The following RRP12 variants were observed in gnomAD, a reference collection of about 807,000 sequenced individuals.
RRP12 encodes the protein RRP12-like protein.
In RRP12, 78 loss-of-function variants were observed where a neutral mutation model predicts 157.3. The ratio of observed to expected loss-of-function variants is 0.50; its 90% CI spans 0.41 to 0.60. The LOEUF (loss-of-function observed/expected upper bound fraction) is 0.60. RRP12 is among the 20% of genes least tolerant of loss of function. The probability of loss-of-function intolerance (pLI) is 0.00; values close to 1 mark genes in which losing one functional copy is unlikely to be tolerated. For synonymous variants in RRP12, 726 were observed against 670.9 expected, an observed-to-expected ratio of 1.08 and a Z score of -1.27; for missense variants, 1,521 against 1,679.9, an observed-to-expected ratio of 0.91 and a Z score of 1.65.
At chr10:97,376,308 G>A (rs1323394596) in intron 15 of RRP12, among the ~76,000 whole-genome samples, 1 of 140,428 alleles carries the variant, frequency 7.1e-6, no homozygotes, top group African/African-American at 2.7e-5. Context: ...TCTGCTTCCT[G>A]GGTGCAAACG....
intron 13 of RRP12, 58 bp from the exon 14 acceptor site, chr10:97,379,828 C>G: frequency 6.5e-7 from 1 of 1,528,342 alleles, no homozygotes; most frequent in Non-Finnish European, 8.8e-7. Flanking sequence ...GGACCCATGA[C>G]AAGACCCCGC....
chr10:97,380,697 C>T (rs1296641550), intron 13 of RRP12, 102 bp downstream of exon 13: 2 of 812,654 alleles, frequency 2.5e-6, no homozygotes, highest in Admixed American at 2.0e-5. Context: ...GGGTGGGGTG[C>T]GGAGCAGGGT....
chr10:97,359,016 G>A lies in RRP12; in HGVS notation c.3641-6C>T, dbSNP rs1843779830. On this transcript the variant is annotated splice_polypyrimidine_tract_variant and splice_region_variant and intron_variant, in intron 31 of 33. Coordinates refer to ENST00000370992, the MANE Select transcript of RRP12 (RefSeq NM_015179.4). ...ATGAATGCCAGAGCCTCCAGCTACG[G>A]GGAGAACACAGGACCATGAGTCAGG... The A allele has an allele frequency of 6.2e-7, 1 of 1,613,040 alleles. No individual in the cohort carries two copies. The highest frequency in any genetic ancestry group is 1.1e-5 in the South Asian group (1 of 91,056).
In RRP12 at chr10:97,366,486, G is replaced by A. The variant is rs372943917; in HGVS notation, c.3351C>T (p.Pro1117=). 15 of 1,613,562 alleles carry A rather than the reference G, an allele frequency of 9.3e-6. No homozygotes were observed. The African/African-American group carries it at 1.9e-4, about 20-fold the overall frequency. ...AWLKEGGGDE[P]LNFLDPKVAQ... is the part of the protein sequence containing the mutation. ...CCACCTTGGGATCCAGGAAGTTGAGGGGCTCGTCCCCACCGCCCTCTTTCA... is the reference window on the plus strand; with the variant it reads ...CCACCTTGGGATCCAGGAAGTTGAGAGGCTCGTCCCCACCGCCCTCTTTCA... The change falls in exon 28 of 34, where the codon CCC becomes CCT. Residue 1117 remains proline, a synonymous_variant. Transcript: ENST00000370992.
chr10:97,364,336 G>A (rs962790467), intron 29 of RRP12, among the ~76,000 whole-genome samples: 2 of 152,148 alleles, frequency 1.3e-5, no homozygotes, highest in African/African-American at 4.8e-5. Context: ...TATGTGCTGG[G>A]CTCCATGTGG....
At chr10:97,371,910 T>A (rs752754155) in intron 20 of RRP12, 163 bp downstream of exon 20, 72 of 571,800 alleles carry the variant, frequency 1.3e-4, no homozygotes, top group Non-Finnish European at 1.3e-4. Flanking sequence ...GCAAGACAGA[T>A]GGGCTACACA....
At chr10:97,393,268 T>C (rs1362424954) in intron 4 of RRP12, 2 of 453,940 alleles carry the variant, frequency 4.4e-6, no homozygotes, top group Non-Finnish European at 8.8e-6. Flanking sequence ...GAAAGCACAC[T>C]TGATTCTGTC....
chr10:97,363,566 C>A (rs568453735), intron 30 of RRP12, among the ~76,000 whole-genome samples: 14 of 152,304 alleles, frequency 9.2e-5, no homozygotes, highest in Non-Finnish European at 1.9e-4. Flanking sequence ...ATGCCCCCAC[C>A]CCATGCAGGA....
intron 15 of RRP12, among the ~76,000 whole-genome samples, chr10:97,375,166 C>T (rs12412478): frequency 0.24 from 36,212 of 151,646 alleles, 4,654 homozygotes; most frequent in South Asian, 0.34. Context: ...ACTCTGTTGC[C>T]CAGGCTGGCC....
At chr10:97,389,336 G>A (rs937549471) in intron 6 of RRP12, among the ~76,000 whole-genome samples, 23 of 151,982 alleles carry the variant, frequency 1.5e-4, no homozygotes, top group African/African-American at 3.1e-4. Context: ...CTCGTGATCC[G>A]CCCGCCTCGG....
intron 3 of RRP12, 146 bp from the exon 4 acceptor site, chr10:97,393,906 G>A: frequency 1.6e-6 from 1 of 626,814 alleles, no homozygotes; most frequent in South Asian, 2.0e-5. Context: ...GGCATTGTGT[G>A]GTTTTGGGCT....
At chr10:97,395,553 A>C (rs1380485191) in intron 3 of RRP12, among the ~76,000 whole-genome samples, 1 of 130,302 alleles carries the variant, frequency 7.7e-6, no homozygotes, top group Non-Finnish European at 1.7e-5. Context: ...CTCTGTTTCA[A>C]AAAAAAAAAA....
chr10:97,364,679 TG>T (rs1843926831), intron 29 of RRP12, among the ~76,000 whole-genome samples: 1 of 152,220 alleles, frequency 6.6e-6, no homozygotes, highest in South Asian at 2.1e-4. Flanking sequence ...ATCGAGCCAC[TG>T]CACTCCAGCC....
chr10:97,376,972 C>G (rs371679122), intron 15 of RRP12, among the ~76,000 whole-genome samples: 6 of 151,698 alleles, frequency 4.0e-5, no homozygotes, highest in Non-Finnish European at 8.8e-5. Flanking sequence ...CTCCGCCCCC[C>G]AGAGTCCAAG....
intron 9 of RRP12, 55 bp from the exon 10 acceptor site, chr10:97,385,312 G>A: frequency 7.6e-7 from 1 of 1,319,442 alleles, no homozygotes; most frequent in South Asian, 1.2e-5. Context: ...ATAGCCCAGT[G>A]ATGATGACCC....
intron 33 of RRP12, among the ~76,000 whole-genome samples, chr10:97,358,308 G>A (rs1843762528): frequency 6.6e-6 from 1 of 151,966 alleles, no homozygotes; most frequent in Non-Finnish European, 1.5e-5. Flanking sequence ...ACTCCAGCCT[G>A]GCGACAGAGC....
Position 97,373,729 on chromosome 10 carries a change from T to C in RRP12, c.1872A>G (p.Thr624=). 1 of 1,611,676 alleles carries C rather than the reference T, an allele frequency of 6.2e-7. No individual in the cohort carries two copies. Among genetic ancestry groups the C allele is most frequent in the Non-Finnish European group, 8.5e-7 (1 of 1,178,176 alleles). The change falls in exon 17 of 34, where the codon ACA becomes ACG. Residue 624 remains threonine, a synonymous_variant. Coordinates refer to ENST00000370992, the MANE Select transcript of RRP12 (RefSeq NM_015179.4). ...GCCTTGTGCAGAACCCAGGCAGGAG[T>C]GTCCACATCTGGAGAAGGAGGGGAC... ...IYDTLQWQMW[T]LLPGFCTRPT...
intron 32 of RRP12, 71 bp downstream of exon 32, chr10:97,358,872 C>T: frequency 3.1e-6 from 4 of 1,275,634 alleles, no homozygotes; most frequent in South Asian, 1.2e-5. Flanking sequence ...GTGATGGGCA[C>T]AGCTCCTCCT....
chr10:97,371,197 G>T, intron 20 of RRP12, 116 bp from the exon 21 acceptor site: 1 of 1,106,886 alleles, frequency 9.0e-7, no homozygotes, highest in Non-Finnish European at 1.3e-6. Context: ...GGGCTCATGT[G>T]GCTTGACAGA....
Sources: allele counts gnomAD v4.1 joint callset (sites outside exome capture counted in the v4.1 genomes callset), GRCh38; gene constraint gnomAD v4.1.1; transcripts MANE v1.5; gene names NCBI Gene and HGNC (gene_info 2026-07-23, HGNC 2026-07-21).